KNOP1: variants seen among roughly 807,000 people sequenced by gnomAD.
KNOP1 encodes the protein lysine-rich nucleolar protein 1.
In KNOP1, 20 loss-of-function variants were observed where a neutral mutation model predicts 30.6. The observed-to-expected ratio is 0.65, with a 90% CI of 0.46 to 0.95. The LOEUF is 0.95. KNOP1 is among the 40% of genes least tolerant of loss of function. The pLI is 0.00. For synonymous variants in KNOP1, 204 were observed against 210.0 expected, an observed-to-expected ratio of 0.97 and a Z score of 0.25; for missense variants, 540 against 562.0, an observed-to-expected ratio of 0.96 and a Z score of 0.40.
At position 19,714,818 on chromosome 16, in the gene KNOP1, C is replaced by G. The variant is rs201093179; in HGVS notation, c.218G>C (p.Gly73Ala). 6.2e-7 allele frequency: 1 copy of G among 1,613,880 alleles called. No individual in the cohort carries two copies. Among genetic ancestry groups the G allele is most frequent in the East Asian group, 2.2e-5 (1 of 44,876 alleles). Residue 73 changes from glycine (G) to alanine (A), a missense_variant, in exon 2 of 5, where the codon GGT becomes GCT. Physicochemically the swap from Gly to Ala is moderately conservative, Grantham distance 60. Coordinates refer to ENST00000219837, the MANE Select transcript of KNOP1 (RefSeq NM_001012991.3). ...ATGCTCCTCGCAAAGGGTGCTGACA[C>G]CCTTCTTTTTCTTCTTCTTTTTCTT... ...LVKKKKKKKK[G>A]VSTLCEEHVE... is the part of the protein sequence containing the mutation.
intron 1 of KNOP1, among the ~76,000 whole-genome samples, chr16:19,715,750 G>A (rs892436842): frequency 6.6e-6 from 1 of 152,012 alleles, no homozygotes; most frequent in African/African-American, 2.4e-5. Context: ...ATTTGAAGTT[G>A]ATTGCCAACA....
At chr16:19,715,619 C>A (rs1281366947) in intron 1 of KNOP1, among the ~76,000 whole-genome samples, 1 of 151,774 alleles carries the variant, frequency 6.6e-6, no homozygotes, top group Non-Finnish European at 1.5e-5. Context: ...CGGGGTTTCT[C>A]CATGTTGGCC....
chr16:19,706,727 GAAT>G lies in KNOP1; in HGVS notation c.*180_*182del. ...TCAGATGGCTTTCATTTGCACAACT[GAAT>G]AAACCATTTATGCCTAGTGTTCCAT... On this transcript the variant is annotated 3_prime_UTR_variant, in exon 5 of 5. Coordinates refer to ENST00000219837, the MANE Select transcript of KNOP1 (RefSeq NM_001012991.3). The G allele has an allele frequency of 5.9e-6, 4 of 679,012 alleles. No individual in the cohort carries two copies. Among genetic ancestry groups the G allele is most frequent in the Non-Finnish European group, 1.0e-5 (4 of 396,616 alleles). 42.1% of individuals were successfully genotyped at this position (679,012 alleles called of 1,614,324 possible).
At position 19,706,651 on chromosome 16, in the gene KNOP1, T is replaced by G; in HGVS notation, c.*259A>C. 2.2e-6 allele frequency: 1 copy of G among 450,826 alleles called. No homozygotes were observed. Among genetic ancestry groups the G allele is most frequent in the Non-Finnish European group, 4.0e-6 (1 of 252,636 alleles). 27.9% of individuals were successfully genotyped at this position (450,826 alleles called of 1,614,324 possible). On this transcript the variant is annotated 3_prime_UTR_variant, in exon 5 of 5. Transcript: ENST00000219837. Reference sequence around the variant, plus strand: ...GCCCCAGTTCATCCAAGCCCATCAATATAGTTGTCCTCGTCCTTAATCTCC... The same window carrying G: ...GCCCCAGTTCATCCAAGCCCATCAAGATAGTTGTCCTCGTCCTTAATCTCC...
At position 19,703,980 on chromosome 16, in the gene KNOP1, G is replaced by T. The variant is rs1388870831; in HGVS notation, c.*2930C>A. ...AGACAGAATTTACACCAGGGGCAAG[G>T]CCTGACCATCACACCCTCATGAGAG... On this transcript the variant is annotated 3_prime_UTR_variant, in exon 5 of 5. Coordinates refer to ENST00000219837, the MANE Select transcript of KNOP1 (RefSeq NM_001012991.3). The T allele has an allele frequency of 3.3e-5, 5 of 152,250 alleles. No homozygotes were observed. The highest frequency in any genetic ancestry group is 7.3e-5 in the Non-Finnish European group (5 of 68,116). The allele number at this position is 152,250 out of a possible 1,614,324, so 9.4% of individuals were successfully genotyped here.
At position 19,714,087 on chromosome 16, in the gene KNOP1, C is replaced by T. The variant is rs150499283; in HGVS notation, c.918+31G>A. ...CCAAACCCCACCCTTAATTCTCCCA[C>T]GGCAAAGTCCATTTCTGAAGGAAAA... On this transcript the variant is annotated intron_variant, in intron 2 of 4. Coordinates refer to ENST00000219837, the MANE Select transcript of KNOP1 (RefSeq NM_001012991.3). 1,238 of 1,577,554 alleles carry T rather than the reference C, an allele frequency of 7.8e-4. 9 individuals carry two copies. In the African/African-American group the frequency reaches 0.015, roughly 19 times the overall value.
In KNOP1 at chr16:19,707,201, C is replaced by G; in HGVS notation, c.1086G>C (p.Trp362Cys). The change falls in exon 5 of 5, where the codon TGG becomes TGC. Residue 362 changes from tryptophan to cysteine, a missense_variant. Coordinates refer to ENST00000219837, the MANE Select transcript of KNOP1 (RefSeq NM_001012991.3). ...CCTCGTTCTCAAAACCAGCAGTATCCCACTGGCCAAACTGGGTTCCCTGTG... is the reference window on the plus strand; with the variant it reads ...CCTCGTTCTCAAAACCAGCAGTATCGCACTGGCCAAACTGGGTTCCCTGTG... ...RKWTGTQFGQ[W>C]DTAGFENEDQ... is the part of the protein sequence containing the mutation. 6.2e-7 allele frequency: 1 copy of G among 1,613,102 alleles called. No homozygotes were observed.
chr16:19,715,244 A>C, intron 1 of KNOP1: 1 of 433,482 alleles, frequency 2.3e-6, no homozygotes. Flanking sequence ...TTCAAACCTA[A>C]ATGCCTCTCT....
At position 19,714,916 on chromosome 16, in the gene KNOP1, A is replaced by G; in HGVS notation, c.120T>C (p.Asp40=). 3 of 1,613,858 alleles carry G rather than the reference A, an allele frequency of 1.9e-6. No homozygotes were observed. Among genetic ancestry groups the G allele is most frequent in the African/African-American group, 1.3e-5 (1 of 75,038 alleles). The change falls in exon 2 of 5, where the codon GAT becomes GAC. Residue 40 remains aspartate (D), a synonymous_variant. Coordinates refer to ENST00000219837, the MANE Select transcript of KNOP1 (RefSeq NM_001012991.3). ...SVLNNDDYFA[D]VSPLRATSPS... is the part of the protein sequence containing the mutation. ...GGGATGTAGCTCTTAAAGGAGAAAC[A>G]TCAGCAAAGTAATCATCATTGTTTA...
chr16:19,710,449 G>A, intron 4 of KNOP1, 60 bp downstream of exon 4: 1 of 1,546,418 alleles, frequency 6.5e-7, no homozygotes. Context: ...CTGGAGGCGA[G>A]GGGAAGCGTC....
rs1341438809 is a variant in KNOP1 at position 19,703,889 on chromosome 16, T to TC, written c.*3020dup. 6.6e-6 allele frequency: 1 copy of TC among 151,964 alleles called. No homozygotes were observed. The highest frequency in any genetic ancestry group is 1.5e-5 in the Non-Finnish European group (1 of 68,004). The allele number at this position is 151,964 out of a possible 1,614,324, so 9.4% of individuals were successfully genotyped here. A position where few individuals can be genotyped will look rare whatever the true frequency, so the allele number is the denominator to read the frequency against. ...TATGTATATAGAAAAGCAATAAAGC[T>TC]CCCCCTGTGCAAATGGAACTCCTAA... On this transcript the variant is annotated 3_prime_UTR_variant, in exon 5 of 5. Transcript: ENST00000219837.
Position 19,703,736 on chromosome 16 carries a change from CCTGCTCAT to C in KNOP1, c.*3166_*3173del, listed in dbSNP as rs2151638232. ...AGACAAGACTGCCAGAGGGTGGGGT[CCTGCTCAT>C]CTGAGAGATGGTGATCTGCACTGGC... On this transcript the variant is annotated 3_prime_UTR_variant, in exon 5 of 5. Transcript: ENST00000219837. 1 of 152,154 alleles carries C rather than the reference CCTGCTCAT, an allele frequency of 6.6e-6. No homozygotes were observed. The highest frequency in any genetic ancestry group is 1.5e-5 in the Non-Finnish European group (1 of 68,018). 9.4% of individuals were successfully genotyped at this position (152,154 alleles called of 1,614,324 possible). A position where few individuals can be genotyped will look rare whatever the true frequency, so the allele number is the denominator to read the frequency against.
intron 4 of KNOP1, among the ~76,000 whole-genome samples, chr16:19,707,671 C>G (rs1288702072): frequency 8.1e-6 from 1 of 124,216 alleles, no homozygotes; most frequent in Admixed American, 7.9e-5. Context: ...TCCCCTCCCC[C>G]ACCTCCCTAC....
In KNOP1 at chr16:19,714,605, A is replaced by G. The variant is rs1435566638; in HGVS notation, c.431T>C (p.Val144Ala). ...CTTGTGTTTTTTGAGCTTCTTGCCA[A>G]CTCTGGTTTCCTCCTCACCCTGTCT... Reference protein sequence around the residue: ...DPRQGEEETRVGKKLKKHKKE... With the variant: ...DPRQGEEETRAGKKLKKHKKE... Residue 144 changes from valine to alanine, a missense_variant, in exon 2 of 5, where the codon GTT becomes GCT. Transcript: ENST00000219837. 6.2e-7 allele frequency: 1 copy of G among 1,612,826 alleles called. No individual in the cohort carries two copies. Among genetic ancestry groups the G allele is most frequent in the South Asian group, 1.1e-5 (1 of 91,002 alleles).
Position 19,703,671 on chromosome 16 carries a change from G to GTTAAT in KNOP1, c.*3234_*3238dup, listed in dbSNP as rs1354463177. On this transcript the variant is annotated 3_prime_UTR_variant, in exon 5 of 5. Transcript: ENST00000219837. ...GATGGAGGGTGGTGCTCAAACCAAT[G>GTTAAT]TTAATTTACAAAGGATGGGAGCTCA... 6.6e-6 allele frequency: 1 copy of GTTAAT among 151,844 alleles called. No individual in the cohort carries two copies. 9.4% of individuals were successfully genotyped at this position (151,844 alleles called of 1,614,324 possible). A position where few individuals can be genotyped will look rare whatever the true frequency, so the allele number is the denominator to read the frequency against.
At chr16:19,717,584 T>C (rs1567525597) in intron 1 of KNOP1, 2 of 985,430 alleles carry the variant, frequency 2.0e-6, no homozygotes, top group Non-Finnish European at 2.4e-6. Flanking sequence ...CATCCTCCTC[T>C]TTAGCCCTGC....
At chr16:19,710,631 T>C (rs760692027) in intron 3 of KNOP1, 45 bp from the exon 4 acceptor site, 15 of 1,532,634 alleles carry the variant, frequency 9.8e-6, no homozygotes, top group Non-Finnish European at 1.4e-5. Context: ...ACAGAGATCT[T>C]CTTTCAAGCT....
At position 19,714,832 on chromosome 16, in the gene KNOP1, CTTCTTT is replaced by C. The variant is rs1567520731; in HGVS notation, c.198_203del (p.Lys71_Lys72del). ...GGGTGCTGACACCCTTCTTTTTCTT[CTTCTTT>C]TTCTTCACTAGAGGCATCTCAGGTG... On this transcript the variant is annotated inframe_deletion, in exon 2 of 5. Coordinates refer to ENST00000219837, the MANE Select transcript of KNOP1 (RefSeq NM_001012991.3). 2 of 1,613,684 alleles carry C rather than the reference CTTCTTT, an allele frequency of 1.2e-6. No individual in the cohort carries two copies. The highest frequency in any genetic ancestry group is 1.7e-4 in the Middle Eastern group (1 of 6,056).
intron 3 of KNOP1, among the ~76,000 whole-genome samples, 182 bp from the exon 4 acceptor site, chr16:19,710,768 C>T (rs1976672158): frequency 6.6e-6 from 1 of 152,172 alleles, no homozygotes; most frequent in African/African-American, 2.4e-5. Flanking sequence ...GGGCTGCGCC[C>T]CTTGGCCTAC....
Sources: allele counts gnomAD v4.1 joint callset (sites outside exome capture counted in the v4.1 genomes callset), GRCh38; gene constraint gnomAD v4.1.1; transcripts MANE v1.5; gene names NCBI Gene and HGNC (gene_info 2026-07-23, HGNC 2026-07-21).